The following IQGAP1 variants were observed in gnomAD, a reference collection of about 807,000 sequenced individuals.
IQGAP1 encodes the protein ras GTPase-activating-like protein IQGAP1.
In IQGAP1, 66 loss-of-function variants were observed where a neutral mutation model predicts 215.6. The ratio of observed to expected loss-of-function variants is 0.31; its 90% confidence interval spans 0.25 to 0.38. The LOEUF is 0.38. IQGAP1 is among the 10% of genes least tolerant of loss of function. The pLI, the probability that IQGAP1 is intolerant of heterozygous loss-of-function variation, is 1.00. For synonymous variants in IQGAP1, 772 were observed against 728.7 expected, an observed-to-expected ratio of 1.06 and a Z score of -0.96; for missense variants, 1,712 against 1,997.1, an observed-to-expected ratio of 0.86 and a Z score of 2.72.
In IQGAP1 at chr15:90,486,072, G is replaced by A; in HGVS notation, c.3964G>A (p.Asp1322Asn). The A allele has an allele frequency of 6.2e-7, 1 of 1,613,982 alleles. No homozygotes were observed. Among genetic ancestry groups the A allele is most frequent in the Non-Finnish European group, 8.5e-7 (1 of 1,179,960 alleles). Residue 1322 changes from aspartate (D) to asparagine (N), a missense_variant, in exon 31 of 38, where the codon GAT becomes AAT. Physicochemically the swap from Asp to Asn is conservative, Grantham distance 23. Coordinates refer to ENST00000268182, the MANE Select transcript of IQGAP1 (RefSeq NM_003870.4). ...GGATGCCATTGCTCCGGAGCACAATGATCCAATCCACGAACTGCTGGACGA... is the reference window on the plus strand; with the variant it reads ...GGATGCCATTGCTCCGGAGCACAATAATCCAATCCACGAACTGCTGGACGA... ...HQDAIAPEHNDPIHELLDDLG... is the reference protein window; with the variant it reads ...HQDAIAPEHNNPIHELLDDLG...
intron 37 of IQGAP1, among the ~76,000 whole-genome samples, chr15:90,498,242 C>T (rs1966298061): frequency 1.3e-5 from 2 of 152,100 alleles, no homozygotes; most frequent in African/African-American, 2.4e-5. Context: ...GGACAGGTAG[C>T]ATTTCTTAGT....
At position 90,484,308 on chromosome 15, in the gene IQGAP1, C is replaced by G; in HGVS notation, c.3877C>G (p.Pro1293Ala). 1 of 1,612,108 alleles carries G rather than the reference C, an allele frequency of 6.2e-7. No homozygotes were observed. The highest frequency in any genetic ancestry group is 8.5e-7 in the Non-Finnish European group (1 of 1,178,214). ...EYSDLVTLTK[P>A]VIYISIGEII... ...CTCTGATTTAGTAACCCTCACCAAA[C>G]CAGTAATCTACATTTCCATTGGTGA... is the stretch of plus-strand genomic sequence containing the variant. Residue 1293 changes from proline to alanine, a missense_variant, in exon 30 of 38, where the codon CCA (proline) becomes GCA (alanine). By Grantham distance (27) the Pro-to-Ala change is conservative. Transcript: ENST00000268182.
At chr15:90,441,746 C>G (rs1965454170) in intron 8 of IQGAP1, 62 bp downstream of exon 8, 1 of 1,142,728 alleles carries the variant, frequency 8.8e-7, no homozygotes. Context: ...TGATATGGCT[C>G]CAGTTTAAAC....
intron 26 of IQGAP1, among the ~76,000 whole-genome samples, chr15:90,479,956 A>G (rs541490680): frequency 2.5e-4 from 38 of 152,208 alleles, no homozygotes; most frequent in African/African-American, 9.2e-4. Flanking sequence ...CCCCATGTAC[A>G]CTGGCTCCGG....
At chr15:90,429,463 A>G in intron 3 of IQGAP1, 126 bp from the exon 4 acceptor site, 3 of 633,202 alleles carry the variant, frequency 4.7e-6, no homozygotes, top group Non-Finnish European at 7.9e-6. Flanking sequence ...TTGGAATGTG[A>G]GCATAATGAC....
chr15:90,425,641 C>T (rs573679291), intron 2 of IQGAP1, among the ~76,000 whole-genome samples: 1 of 152,194 alleles, frequency 6.6e-6, no homozygotes, highest in South Asian at 2.1e-4. Context: ...TTTGATAACC[C>T]CCAAGCAACC....
At chr15:90,411,477 C>T (rs1175456212) in intron 2 of IQGAP1, among the ~76,000 whole-genome samples, 2 of 152,038 alleles carry the variant, frequency 1.3e-5, no homozygotes, top group African/African-American at 4.8e-5. Flanking sequence ...TCATAGTTAA[C>T]CCCCACTCCC....
chr15:90,451,735 G>T (rs1024521734), intron 11 of IQGAP1, among the ~76,000 whole-genome samples: 3 of 151,634 alleles, frequency 2.0e-5, no homozygotes, highest in Non-Finnish European at 4.4e-5. Context: ...TCCCTGATGT[G>T]TGTTCTTGGT....
At chr15:90,410,771 C>T (rs1004742521) in intron 2 of IQGAP1, among the ~76,000 whole-genome samples, 2 of 150,266 alleles carry the variant, frequency 1.3e-5, no homozygotes, top group African/African-American at 2.5e-5. Context: ...TGCAGCACAC[C>T]AACATGGCAC....
chr15:90,458,744 A>G (rs1965721546), intron 15 of IQGAP1, among the ~76,000 whole-genome samples: 1 of 152,238 alleles, frequency 6.6e-6, no homozygotes, highest in Admixed American at 6.5e-5. Flanking sequence ...CCGAGTAAGT[A>G]AAATCAGTTG....
At position 90,388,282 on chromosome 15, in the gene IQGAP1, C is replaced by A; in HGVS notation, c.-60C>A. 1 of 1,575,996 alleles carries A rather than the reference C, an allele frequency of 6.3e-7. No homozygotes were observed. The highest frequency in any genetic ancestry group is 1.1e-5 in the South Asian group (1 of 88,984). On this transcript the variant is annotated 5_prime_UTR_variant, in exon 1 of 38. Coordinates refer to ENST00000268182, the MANE Select transcript of IQGAP1 (RefSeq NM_003870.4). ...GCGCACTTGGCAGGAGCTGTAGCTA[C>A]CGCCGTCCGCGCCTCCAAGGTTTCA...
At chr15:90,434,937 G>A (rs1965350194) in intron 5 of IQGAP1, among the ~76,000 whole-genome samples, 1 of 152,184 alleles carries the variant, frequency 6.6e-6, no homozygotes, top group Non-Finnish European at 1.5e-5. Context: ...GAGCAAGTGG[G>A]ACATGAGTGA....
intron 15 of IQGAP1, among the ~76,000 whole-genome samples, chr15:90,459,744 G>A (rs759170178): frequency 1.1e-4 from 16 of 152,108 alleles, no homozygotes; most frequent in South Asian, 2.1e-4. Context: ...GGCATCACCT[G>A]AGCATCTAAG....
chr15:90,388,582 G>C (rs1476637329), intron 1 of IQGAP1, among the ~76,000 whole-genome samples, 186 bp downstream of exon 1: 1 of 152,076 alleles, frequency 6.6e-6, no homozygotes, highest in African/African-American at 2.4e-5. Flanking sequence ...CCCCCTCGGG[G>C]TCCGAGGCGG....
At chr15:90,482,373 T>A in intron 28 of IQGAP1, 92 bp downstream of exon 28, 1 of 1,215,256 alleles carries the variant, frequency 8.2e-7, no homozygotes, top group Non-Finnish European at 1.2e-6. Context: ...TGCCTAAGTG[T>A]AGGTTCTGGC....
intron 2 of IQGAP1, among the ~76,000 whole-genome samples, chr15:90,423,496 G>A (rs1965177639): frequency 6.6e-6 from 1 of 152,186 alleles, no homozygotes; most frequent in Non-Finnish European, 1.5e-5. Context: ...GCCTCCCAAA[G>A]TGCTGGGATT....
chr15:90,409,688 C>G lies in IQGAP1; in HGVS notation c.156-16422C>G, dbSNP rs73474997. ...CTGTGCCCTGCCCCTATATTCACTT[C>G]CTTAACTTAACTCATTTGGATGTAA... On this transcript the variant is annotated intron_variant, in intron 2 of 37. Coordinates refer to ENST00000268182, the MANE Select transcript of IQGAP1 (RefSeq NM_003870.4). Among the ~76,000 whole-genome samples, 801 of 152,304 alleles carry G rather than the reference C, an allele frequency of 5.3e-3. 10 individuals carry two copies. Among genetic ancestry groups the G allele is most frequent in the African/African-American group, 0.019 (784 of 41,554 alleles).
chr15:90,460,804 G>A (rs1478736843), intron 15 of IQGAP1, among the ~76,000 whole-genome samples: 1 of 151,990 alleles, frequency 6.6e-6, no homozygotes, highest in African/African-American at 2.4e-5. Context: ...TTTGAGACCA[G>A]GCTGGGCAAG....
chr15:90,482,584 T>C, intron 28 of IQGAP1: 2 of 420,116 alleles, frequency 4.8e-6, no homozygotes, highest in Non-Finnish European at 8.1e-6. Flanking sequence ...ACCTGGCGAA[T>C]AGTAGCAGGC....
Sources: allele counts gnomAD v4.1 joint callset (sites outside exome capture counted in the v4.1 genomes callset), GRCh38; gene constraint gnomAD v4.1.1; transcripts MANE v1.5; gene names NCBI Gene and HGNC (gene_info 2026-07-23, HGNC 2026-07-21).